The following MTA3 variants were observed in gnomAD, a reference collection of about 807,000 sequenced individuals.
The protein encoded by MTA3 is metastasis-associated protein MTA3.
A neutral mutation model predicts 83.5 loss-of-function variants in MTA3; 34 were observed. The ratio of observed to expected loss-of-function variants is 0.41; its 90% CI spans 0.31 to 0.54. MTA3 has a LOEUF of 0.54. MTA3 is among the 20% of genes least tolerant of loss of function. The pLI, the probability that MTA3 is intolerant of heterozygous loss-of-function variation, is 0.33. For synonymous variants in MTA3, 303 were observed against 252.7 expected (o/e 1.20, Z -1.89); for missense variants, 761 against 726.4 (o/e 1.05, Z -0.55).
chr2:42,633,780 G>C (rs1686918858), intron 4 of MTA3, among the ~76,000 whole-genome samples: 1 of 150,998 alleles, frequency 6.6e-6, no homozygotes, highest in Non-Finnish European at 1.5e-5. Context: ...TGTAGTCCCA[G>C]CTGGAGGCTG....
chr2:42,505,449 A>C (rs111534914), intron 2 of MTA3, among the ~76,000 whole-genome samples: 101 of 152,190 alleles, frequency 6.6e-4, no homozygotes, highest in African/African-American at 2.2e-3. Flanking sequence ...AAAGCTAACT[A>C]GTAAGTGCCA....
chr2:42,527,943 A>G (rs1346977302), intron 2 of MTA3, among the ~76,000 whole-genome samples: 1 of 151,810 alleles, frequency 6.6e-6, no homozygotes, highest in Admixed American at 6.6e-5. Context: ...CTTTTTTGAG[A>G]CGGAATCTCA....
chr2:42,522,219 CTCCG>C (rs1011459786), intron 2 of MTA3, among the ~76,000 whole-genome samples: 9 of 152,278 alleles, frequency 5.9e-5, no homozygotes, highest in African/African-American at 2.2e-4. Flanking sequence ...TACAACCACC[CTCCG>C]TCCCTGACTT....
intron 3 of MTA3, among the ~76,000 whole-genome samples, chr2:42,590,716 G>T (rs1292967165): frequency 6.7e-6 from 1 of 148,686 alleles, no homozygotes; most frequent in Non-Finnish European, 1.5e-5. Flanking sequence ...CGCCTCCTGA[G>T]TTGAAGCACT....
At chr2:42,711,053 T>A (rs936395967) in intron 14 of MTA3, among the ~76,000 whole-genome samples, 19 of 152,266 alleles carry the variant, frequency 1.2e-4, no homozygotes, top group African/African-American at 4.6e-4. Context: ...CACTCCAGCC[T>A]GGGCAACACA....
At chr2:42,641,587 CAT>C (rs775270896) in intron 5 of MTA3, among the ~76,000 whole-genome samples, 4 of 151,960 alleles carry the variant, frequency 2.6e-5, no homozygotes, top group Non-Finnish European at 5.9e-5. Context: ...GTGGCTCACA[CAT>C]GTGATCCCAG....
At chr2:42,725,180 T>C (rs1052972120) in intron 16 of MTA3, among the ~76,000 whole-genome samples, 2 of 152,258 alleles carry the variant, frequency 1.3e-5, no homozygotes, top group East Asian at 3.8e-4. Flanking sequence ...TTGTTTTGCA[T>C]ATCATTGTAT....
At position 42,754,046 on chromosome 2, in the gene MTA3, T is replaced by G. The variant is rs1670075315; in HGVS notation, c.*647T>G. ...CCAAGGAACAGAATTACCGAGGTTC[T>G]GACAAAAGATAAGCCTGTAAACTCA... On this transcript the variant is annotated 3_prime_UTR_variant, in exon 17 of 17. Transcript: ENST00000405094. 1 of 985,534 alleles carries G rather than the reference T, an allele frequency of 1.0e-6. No individual in the cohort carries two copies. Among genetic ancestry groups the G allele is most frequent in the East Asian group, 1.1e-4 (1 of 8,810 alleles). 61.0% of individuals were successfully genotyped at this position (985,534 alleles called of 1,614,324 possible). A position where few individuals can be genotyped will look rare whatever the true frequency, so the allele number is the denominator to read the frequency against.
Position 42,659,806 on chromosome 2 carries a change from G to C in MTA3, c.646G>C (p.Val216Leu). The C allele has an allele frequency of 6.2e-7, 1 of 1,609,158 alleles. No individual in the cohort carries two copies. Among genetic ancestry groups the C allele is most frequent in the Non-Finnish European group, 8.5e-7 (1 of 1,177,750 alleles). ...CAGAGCCCTGGATTGCAGCAGTTCT[G>C]TGAGGCAGCCTAGTTTGCATATGAG... ...FARALDCSSS[V>L]RQPSLHMSAA... The change falls in exon 8 of 17, where the codon GTG becomes CTG. Residue 216 changes from valine to leucine, a missense_variant. Physicochemically the swap from Val to Leu is conservative, Grantham distance 32. Transcript: ENST00000405094.
chr2:42,677,278 G>T (rs1691450790), intron 8 of MTA3, among the ~76,000 whole-genome samples: 1 of 152,090 alleles, frequency 6.6e-6, no homozygotes, highest in South Asian at 2.1e-4. Context: ...GAATCATGGG[G>T]GCAGGTCTTT....
chr2:42,516,785 A>G (rs1332732799), intron 2 of MTA3, among the ~76,000 whole-genome samples: 1 of 152,314 alleles, frequency 6.6e-6, no homozygotes, highest in Non-Finnish European at 1.5e-5. Flanking sequence ...GGCGTGTGCA[A>G]AAGTATAGTG....
chr2:42,749,468 T>A (rs1048333318), intron 16 of MTA3, among the ~76,000 whole-genome samples: 41 of 152,166 alleles, frequency 2.7e-4, no homozygotes, highest in Non-Finnish European at 5.1e-4. Flanking sequence ...TTTAAAAAAA[T>A]TATTTTATTG....
In MTA3 at chr2:42,527,554, G is replaced by C. The variant is rs112042003; in HGVS notation, c.-141+32300G>C. On this transcript the variant is annotated intron_variant, in intron 2 of 17. Coordinates refer to the MTA3 transcript ENST00000405592. ...GGCCCTTATATTCTAGGGGTGGAGG[G>C]AGATGATAACTTTAAAAAGCAAATA... Among the ~76,000 whole-genome samples, 554 of 152,228 alleles carry C rather than the reference G, an allele frequency of 3.6e-3. 3 individuals carry two copies. The highest frequency in any genetic ancestry group is 0.012 in the African/African-American group (488 of 41,534).
At chr2:42,530,586 C>A (rs1321170435) in intron 2 of MTA3, among the ~76,000 whole-genome samples, 1 of 151,812 alleles carries the variant, frequency 6.6e-6, no homozygotes, top group Non-Finnish European at 1.5e-5. Flanking sequence ...GAGTTTGAGA[C>A]CAGTCTGACC....
intron 6 of MTA3, among the ~76,000 whole-genome samples, chr2:42,645,202 A>C (rs1688062611): frequency 6.7e-6 from 1 of 149,726 alleles, no homozygotes; most frequent in African/African-American, 2.5e-5. Flanking sequence ...AAAAAAAGCT[A>C]CACCAGTGAA....
rs1553379043 is a variant in MTA3, at chr2:42,667,570, TTGTGTG to T, written c.702+7742_702+7747del. On this transcript the variant is annotated intron_variant, in intron 8 of 16. Transcript: ENST00000405094. ...TGTCAGAATTTCCATCATTTAAAAA[TTGTGTG>T]TGTGTGTGTGTGTGTGTGTGTGTGT... is the stretch of plus-strand genomic sequence containing the variant. 7.3e-3 allele frequency among the ~76,000 whole-genome samples: 1,066 copies of T among 145,098 alleles called. 19 individuals carry two copies. The highest frequency in any genetic ancestry group is 0.024 in the African/African-American group (954 of 39,274).
At chr2:42,735,208 T>G (rs115001311) in intron 16 of MTA3, among the ~76,000 whole-genome samples, 2 of 152,342 alleles carry the variant, frequency 1.3e-5, no homozygotes, top group African/African-American at 4.8e-5. Context: ...TACTCCTTCA[T>G]GCTTGAAGGA....
At chr2:42,731,167 C>T (rs1459519961) in intron 16 of MTA3, among the ~76,000 whole-genome samples, 1 of 152,044 alleles carries the variant, frequency 6.6e-6, no homozygotes, top group Admixed American at 6.6e-5. Flanking sequence ...GTTCCATTGA[C>T]CTTTTGTATT....
chr2:42,500,783 A>T (rs1405363793), intron 2 of MTA3, among the ~76,000 whole-genome samples: 1 of 151,490 alleles, frequency 6.6e-6, no homozygotes, highest in Non-Finnish European at 1.5e-5. Flanking sequence ...AAGGGTTGTT[A>T]GTATCAAAAT....
Sources: gnomAD v4.1 joint callset for allele counts (sites outside exome capture counted in the v4.1 genomes callset) on GRCh38, gnomAD v4.1.1 for gene constraint, MANE v1.5 for transcripts, NCBI Gene and HGNC (gene_info 2026-07-23, HGNC 2026-07-21) for gene names.